Variants in KIAA1328 observed in about 807,000 individuals in gnomAD.
The protein encoded by KIAA1328 is KIAA1328.
Under a neutral mutation model 68.1 loss-of-function variants are expected in KIAA1328, and 52 were observed. That is an observed-to-expected ratio of 0.76 (90% CI 0.61 to 0.96). The LOEUF (loss-of-function observed/expected upper bound fraction) is 0.96. KIAA1328 is among the 40% of genes least tolerant of loss of function. The pLI is 0.00. For synonymous variants in KIAA1328, 232 were observed against 239.4 expected, an observed-to-expected ratio of 0.97 and a Z score of 0.28; for missense variants, 641 against 677.6, an observed-to-expected ratio of 0.95 and a Z score of 0.60.
intron 7 of KIAA1328, among the ~76,000 whole-genome samples, chr18:37,101,366 G>T (rs1346449988): frequency 6.6e-6 from 1 of 152,168 alleles, no homozygotes; most frequent in African/African-American, 2.4e-5. Context: ...ACTACATGAT[G>T]AATGCACAAG....
intron 7 of KIAA1328, among the ~76,000 whole-genome samples, chr18:37,110,262 G>A (rs1333342909): frequency 6.6e-6 from 1 of 152,112 alleles, no homozygotes; most frequent in African/African-American, 2.4e-5. Flanking sequence ...ATGTATTGCA[G>A]TGTTTCACTT....
rs564432639 is a variant in KIAA1328, at chr18:36,880,337, C to T, written c.333-5220C>T. 1.2e-4 allele frequency among the ~76,000 whole-genome samples: 19 copies of T among 152,260 alleles called. 1 individual carries two copies. The highest frequency in any genetic ancestry group is 8.5e-4 in the Admixed American group (13 of 15,302). On this transcript the variant is annotated intron_variant, in intron 4 of 9. Transcript: ENST00000280020. ...AAGGTAATGCACCATCCTTACCTTC[C>T]GTGGGCTGTACCCACTCTCTAACCA... is the stretch of plus-strand genomic sequence containing the variant.
At chr18:37,120,118 A>G (rs1440076753) in intron 7 of KIAA1328, among the ~76,000 whole-genome samples, 5 of 152,230 alleles carry the variant, frequency 3.3e-5, no homozygotes, top group East Asian at 3.8e-4. Context: ...TTTATTTTCA[A>G]AAACCAAAGG....
At chr18:37,025,304 G>C (rs945475011) in intron 6 of KIAA1328, among the ~76,000 whole-genome samples, 9 of 152,096 alleles carry the variant, frequency 5.9e-5, no homozygotes, top group Non-Finnish European at 1.3e-4. Context: ...GTCAACATTA[G>C]ACAGATCAAC....
chr18:37,197,260 T>A (rs563859094), intron 9 of KIAA1328, among the ~76,000 whole-genome samples: 10 of 152,134 alleles, frequency 6.6e-5, no homozygotes, highest in African/African-American at 2.4e-4. Context: ...TTATCTTTTT[T>A]AAAAACCTAC....
At chr18:37,105,636 A>G (rs560378266) in intron 7 of KIAA1328, among the ~76,000 whole-genome samples, 32 of 151,972 alleles carry the variant, frequency 2.1e-4, no homozygotes, top group African/African-American at 7.5e-4. Flanking sequence ...TTTGAATTAT[A>G]GTGTAAAGGC....
Position 37,040,821 on chromosome 18 carries a change from G to T in KIAA1328, c.577-26069G>T, listed in dbSNP as rs566210239. Among the ~76,000 whole-genome samples the T allele has an allele frequency of 3.9e-4, 59 of 151,430 alleles. No homozygotes were observed. In the South Asian group the frequency reaches 0.012, roughly 30 times the overall value. ...ACTTCCTTTTCAATCCATGATTTTA[G>T]ATGTATATTAATTTTTAAATATTTG... On this transcript the variant is annotated intron_variant, in intron 6 of 9. Transcript: ENST00000280020.
chr18:37,221,069 C>T (rs2060552982), intron 9 of KIAA1328, among the ~76,000 whole-genome samples: 1 of 152,118 alleles, frequency 6.6e-6, no homozygotes, highest in African/African-American at 2.4e-5. Context: ...TCAAGTGATC[C>T]ACCCACCTCG....
Position 37,223,447 on chromosome 18 carries a change from G to A in KIAA1328, c.*1220G>A. 5.1e-6 allele frequency: 5 copies of A among 985,392 alleles called. No individual in the cohort carries two copies. The highest frequency in any genetic ancestry group is 6.0e-6 in the Non-Finnish European group (5 of 829,938). 61.0% of individuals were successfully genotyped at this position (985,392 alleles called of 1,614,324 possible). ...TCCCTAGTAGCCTCTCAAGCTAATG[G>A]GGATGATGATCCTGGTTTAGCCAGA... On this transcript the variant is annotated 3_prime_UTR_variant, in exon 10 of 10. Coordinates refer to ENST00000280020, the MANE Select transcript of KIAA1328 (RefSeq NM_020776.3).
chr18:37,074,430 C>G (rs1470337876), intron 7 of KIAA1328, among the ~76,000 whole-genome samples: 1 of 152,200 alleles, frequency 6.6e-6, no homozygotes, highest in African/African-American at 2.4e-5. Context: ...TCAGGTACAC[C>G]AATCAGACGT....
chr18:37,213,002 C>T (rs908511210), intron 9 of KIAA1328, among the ~76,000 whole-genome samples: 24 of 152,244 alleles, frequency 1.6e-4, no homozygotes, highest in Middle Eastern at 3.4e-3. Context: ...TACAGGCGTG[C>T]GCCACTGCAC....
rs1006543969 is a variant in KIAA1328, at chr18:37,117,467, C to T, written c.1233-42733C>T. ...TGAGAACACTTGGACACAGCGGTAGCGAACATCCCACACTGGGGCCTGTCA... is the reference window on the plus strand; with the variant it reads ...TGAGAACACTTGGACACAGCGGTAGTGAACATCCCACACTGGGGCCTGTCA... On this transcript the variant is annotated intron_variant, in intron 7 of 9. Coordinates refer to ENST00000280020, the MANE Select transcript of KIAA1328 (RefSeq NM_020776.3). Among the ~76,000 whole-genome samples the T allele has an allele frequency of 8.6e-5, 13 of 151,984 alleles. No homozygotes were observed. The East Asian group carries it at 2.1e-3, about 25-fold the overall frequency.
intron 8 of KIAA1328, among the ~76,000 whole-genome samples, chr18:37,165,504 C>G (rs990015886): frequency 3.1e-4 from 47 of 151,756 alleles, no homozygotes; most frequent in Admixed American, 2.8e-3. Flanking sequence ...ACTGCAGCCT[C>G]CACCTCCTAG....
At position 36,844,306 on chromosome 18, in the gene KIAA1328, A is replaced by G. The variant is rs767737590; in HGVS notation, c.332+4A>G. On this transcript the variant is annotated splice_donor_region_variant and intron_variant, in intron 4 of 9. Coordinates refer to ENST00000280020, the MANE Select transcript of KIAA1328 (RefSeq NM_020776.3). ...ACTTAATTAAAGAACTGGCCAGGTG[A>G]GATAAAACCTTATATGAAATGATTT... The G allele has an allele frequency of 1.3e-6, 2 of 1,552,912 alleles. No individual in the cohort carries two copies. The highest frequency in any genetic ancestry group is 2.4e-5 in the South Asian group (2 of 82,572).
intron 4 of KIAA1328, among the ~76,000 whole-genome samples, chr18:36,872,651 A>G (rs1284353782): frequency 6.6e-6 from 1 of 152,240 alleles, no homozygotes; most frequent in Non-Finnish European, 1.5e-5. Context: ...TATTTACTTC[A>G]GTCTCTACTT....
At chr18:36,997,776 C>A (rs1266490447) in intron 6 of KIAA1328, among the ~76,000 whole-genome samples, 2 of 152,138 alleles carry the variant, frequency 1.3e-5, no homozygotes, top group African/African-American at 4.8e-5. Flanking sequence ...GCCACAGCAG[C>A]CAGTGCTGGT....
chr18:37,221,847 T>C (rs1162896021), intron 9 of KIAA1328, among the ~76,000 whole-genome samples, 170 bp from the exon 10 acceptor site: 1 of 152,210 alleles, frequency 6.6e-6, no homozygotes, highest in Non-Finnish European at 1.5e-5. Flanking sequence ...GCCTAGGTTC[T>C]TCAAGTCCTT....
At chr18:37,080,205 A>G (rs1188238060) in intron 7 of KIAA1328, among the ~76,000 whole-genome samples, 2 of 152,174 alleles carry the variant, frequency 1.3e-5, no homozygotes, top group Non-Finnish European at 2.9e-5. Flanking sequence ...TCCAGAACCC[A>G]GATCTCTTTA....
chr18:36,908,592 G>A lies in KIAA1328; in HGVS notation c.448+22920G>A, dbSNP rs559276016. Among the ~76,000 whole-genome samples the A allele has an allele frequency of 5.3e-5, 8 of 152,158 alleles. No individual in the cohort carries two copies. In the East Asian group the frequency reaches 1.2e-3, roughly 22 times the overall value. ...TTTGAGCTCAAGCAGTATCCCCTTC[G>A]GCCTCTCAACGTGCTGGGATTATGG... is the stretch of plus-strand genomic sequence containing the variant. On this transcript the variant is annotated intron_variant, in intron 5 of 9. Transcript: ENST00000280020.
Sources: gnomAD v4.1 joint callset for allele counts (sites outside exome capture counted in the v4.1 genomes callset) on GRCh38, gnomAD v4.1.1 for gene constraint, MANE v1.5 for transcripts, NCBI Gene and HGNC (gene_info 2026-07-23, HGNC 2026-07-21) for gene names.